SYS1: variants seen among roughly 807,000 people sequenced by gnomAD.
SYS1 encodes the protein SYS1 golgi trafficking protein, also known as protein SYS1 homolog.
In SYS1, 8 loss-of-function variants were observed where a neutral mutation model predicts 17.8. The observed-to-expected ratio is 0.45, with a 90% CI of 0.26 to 0.81. SYS1 has a LOEUF of 0.81. SYS1 is among the 40% of genes least tolerant of loss of function. The probability of loss-of-function intolerance (pLI) is 0.16; values close to 1 mark genes in which losing one functional copy is unlikely to be tolerated. For missense variants in SYS1, 161 were observed against 203.9 expected (o/e 0.79, Z 1.28); for synonymous variants, 95 against 90.9 (o/e 1.05, Z -0.26).
chr20:45,367,504 C>T lies in SYS1; in HGVS notation c.*389C>T. ...CATCTGTCTTACCCCCCTGGGACAG[C>T]TGTTACCTTTGCAGTGTTGCCGAAT... On this transcript the variant is annotated 3_prime_UTR_variant, in exon 4 of 4. Transcript: ENST00000243918. 1 of 1,028,298 alleles carries T rather than the reference C, an allele frequency of 9.7e-7. No individual in the cohort carries two copies. The highest frequency in any genetic ancestry group is 1.2e-6 in the Non-Finnish European group (1 of 854,492). 63.7% of individuals were successfully genotyped at this position (1,028,298 alleles called of 1,614,324 possible). A position where few individuals can be genotyped will look rare whatever the true frequency, so the allele number is the denominator to read the frequency against.
intron 2 of SYS1, 130 bp downstream of exon 2, chr20:45,363,823 T>G: frequency 9.9e-7 from 1 of 1,012,926 alleles, no homozygotes. Context: ...GGATTTCACC[T>G]TTCTGAGCCT....
downstream of SYS1, among the ~76,000 whole-genome samples, chr20:45,370,992 A>T (rs764740392): frequency 2.6e-5 from 4 of 152,192 alleles, no homozygotes; most frequent in Non-Finnish European, 5.9e-5. Flanking sequence ...GGCAAGTCAC[A>T]GTCATAGGTC....
chr20:45,362,418 G>A (rs1174039737), upstream of SYS1, among the ~76,000 whole-genome samples: 1 of 152,110 alleles, frequency 6.6e-6, no homozygotes, highest in Non-Finnish European at 1.5e-5. Flanking sequence ...CCAGGCTGGA[G>A]TGCAATGGCG....
rs1476193986 is a variant in SYS1 at position 45,367,902 on chromosome 20, T to TC, written c.*789dup. ...ACCAGGCACCCAGCTCCCACTGGAC[T>TC]CCAATTTTTTTTCCTGCCTTATTTA... On this transcript the variant is annotated 3_prime_UTR_variant, in exon 4 of 4. Coordinates refer to ENST00000243918, the MANE Select transcript of SYS1 (RefSeq NM_033542.4). 2.0e-6 allele frequency: 2 copies of TC among 985,610 alleles called. No individual in the cohort carries two copies. The highest frequency in any genetic ancestry group is 2.4e-6 in the Non-Finnish European group (2 of 829,950). The allele number at this position is 985,610 out of a possible 1,614,324, so 61.1% of individuals were successfully genotyped here. A position where few individuals can be genotyped will look rare whatever the true frequency, so the allele number is the denominator to read the frequency against.
In SYS1 at chr20:45,367,518, G is replaced by A. The variant is rs879193130; in HGVS notation, c.*403G>A. ...CCCTGGGACAGCTGTTACCTTTGCA[G>A]TGTTGCCGAATCACAGCAGTTACCT... is the stretch of plus-strand genomic sequence containing the variant. On this transcript the variant is annotated 3_prime_UTR_variant, in exon 4 of 4. Transcript: ENST00000243918. The A allele has an allele frequency of 9.9e-7, 1 of 1,009,838 alleles. No homozygotes were observed. Among genetic ancestry groups the A allele is most frequent in the Non-Finnish European group, 1.2e-6 (1 of 843,178 alleles). The allele number at this position is 1,009,838 out of a possible 1,614,324, so 62.6% of individuals were successfully genotyped here. A position where few individuals can be genotyped will look rare whatever the true frequency, so the allele number is the denominator to read the frequency against.
chr20:45,364,807 G>A (rs1215731919), intron 2 of SYS1, among the ~76,000 whole-genome samples: 3 of 152,194 alleles, frequency 2.0e-5, no homozygotes, highest in Non-Finnish European at 4.4e-5. Flanking sequence ...CTGGGATGGA[G>A]TCCTTGCTCC....
chr20:45,367,944 AG>A lies in SYS1; in HGVS notation c.*832del, dbSNP rs1048360111. 2.5e-5 allele frequency: 25 copies of A among 985,532 alleles called. No homozygotes were observed. The African/African-American group carries it at 3.5e-4, about 14-fold the overall frequency. The allele number at this position is 985,532 out of a possible 1,614,324, so 61.0% of individuals were successfully genotyped here. Reference sequence around the variant, plus strand: ...CCTTATTTAGAATTCTTTGGCGGGAAGGGTATGATGGGTTCCCAGAGACAAG... The same window carrying A: ...CCTTATTTAGAATTCTTTGGCGGGAAGGTATGATGGGTTCCCAGAGACAAG... On this transcript the variant is annotated 3_prime_UTR_variant, in exon 4 of 4. Transcript: ENST00000243918.
At chr20:45,372,161 G>C (rs761735594), downstream of SYS1, among the ~76,000 whole-genome samples, 1 of 152,236 alleles carries the variant, frequency 6.6e-6, no homozygotes, top group Non-Finnish European at 1.5e-5. Context: ...GGAGACCCTG[G>C]TTGTGGAATT....
rs779611547 is a variant in SYS1, at chr20:45,367,119, C to G, written c.*4C>G. On this transcript the variant is annotated 3_prime_UTR_variant, in exon 4 of 4. Coordinates refer to ENST00000243918, the MANE Select transcript of SYS1 (RefSeq NM_033542.4). ...AGCCCCTAAATCCAATGTCTAGAAT[C>G]AGGCCCTTTGGACATCCTGCTGACA... 36 of 1,613,936 alleles carry G rather than the reference C, an allele frequency of 2.2e-5. No homozygotes were observed. Among genetic ancestry groups the G allele is most frequent in the South Asian group, 1.5e-4 (14 of 91,078 alleles).
downstream of SYS1, among the ~76,000 whole-genome samples, chr20:45,369,749 A>G (rs915142163): frequency 6.6e-6 from 1 of 151,746 alleles, no homozygotes; most frequent in African/African-American, 2.4e-5. Flanking sequence ...CTATAGGCAC[A>G]TGCCACCACG....
intron 3 of SYS1, among the ~76,000 whole-genome samples, chr20:45,366,453 T>C (rs1311940694): frequency 6.6e-6 from 1 of 152,170 alleles, no homozygotes; most frequent in Non-Finnish European, 1.5e-5. Flanking sequence ...GTTTAAAACA[T>C]TTTTTTCACT....
Position 45,367,954 on chromosome 20 carries a change from G to A in SYS1, c.*839G>A, listed in dbSNP as rs1988472218. On this transcript the variant is annotated 3_prime_UTR_variant, in exon 4 of 4. Coordinates refer to ENST00000243918, the MANE Select transcript of SYS1 (RefSeq NM_033542.4). ...AATTCTTTGGCGGGAAGGGTATGAT[G>A]GGTTCCCAGAGACAAGAAGCCCAAC... 1 of 985,468 alleles carries A rather than the reference G, an allele frequency of 1.0e-6. No individual in the cohort carries two copies. Among genetic ancestry groups the A allele is most frequent in the South Asian group, 4.7e-5 (1 of 21,282 alleles). 61.0% of individuals were successfully genotyped at this position (985,468 alleles called of 1,614,324 possible).
chr20:45,375,441 C>T (rs771391438), exon 4 of SYS1: 3 of 1,613,974 alleles, frequency 1.9e-6, no homozygotes, highest in Non-Finnish European at 2.5e-6. Context: ...ACTCTTTTTT[C>T]TTAGGGTCCC....
At position 45,366,991 on chromosome 20, in the gene SYS1, C is replaced by G. The variant is rs746876778; in HGVS notation, c.347C>G (p.Ala116Gly). The G allele has an allele frequency of 1.2e-6, 2 of 1,614,074 alleles. No homozygotes were observed. The highest frequency in any genetic ancestry group is 2.2e-5 in the South Asian group (2 of 91,094). ...CWFYSSRFPSALTWWLVQAVC... is the reference protein window; with the variant it reads ...CWFYSSRFPSGLTWWLVQAVC... Reference sequence around the variant, plus strand: ...TTCTACAGCTCCCGTTTCCCCTCGGCGCTGACCTGGTGGCTGGTCCAAGCC... The same window carrying G: ...TTCTACAGCTCCCGTTTCCCCTCGGGGCTGACCTGGTGGCTGGTCCAAGCC... Residue 116 changes from alanine (A) to glycine (G), a missense_variant, in exon 4 of 4, where the codon GCG (alanine) becomes GGG (glycine). Physicochemically the swap from Ala to Gly is moderately conservative, Grantham distance 60 (BLOSUM62 0). Transcript: ENST00000243918.
chr20:45,372,958 G>C (rs115241471), downstream of SYS1: 1 of 152,156 alleles, frequency 6.6e-6, no homozygotes, highest in East Asian at 1.9e-4. Flanking sequence ...CCATCCAATC[G>C]TTCTCCCTCT....
chr20:45,366,890 G>A lies in SYS1; in HGVS notation c.246G>A (p.Leu82=). The change falls in exon 4 of 4, where the codon CTG becomes CTA. Residue 82 remains leucine, a synonymous_variant. Coordinates refer to ENST00000243918, the MANE Select transcript of SYS1 (RefSeq NM_033542.4). ...CTCCCCACAGTGCCCTGGGCTTGCT[G>A]TACTTCATCCGGCGAGGAAAGCAGT... The part of the protein sequence containing the change: ...LNALTCALGL[L]YFIRRGKQCL... The A allele has an allele frequency of 6.2e-7, 1 of 1,614,154 alleles. No homozygotes were observed. The highest frequency in any genetic ancestry group is 8.5e-7 in the Non-Finnish European group (1 of 1,180,026).
chr20:45,362,990 G>A (rs1988269502), upstream of SYS1: 2 of 547,564 alleles, frequency 3.7e-6, no homozygotes, highest in South Asian at 7.8e-5. Flanking sequence ...CAAGCTCTGC[G>A]GCCTTCGTTC....
intron 2 of SYS1, among the ~76,000 whole-genome samples, chr20:45,364,236 T>C (rs1437878073): frequency 6.6e-6 from 1 of 152,190 alleles, no homozygotes; most frequent in Admixed American, 6.5e-5. Context: ...AAGCAAGGGT[T>C]CAGTCTAGGC....
At chr20:45,374,000 G>A (rs758979799), downstream of SYS1, 21 of 1,613,876 alleles carry the variant, frequency 1.3e-5, no homozygotes, top group East Asian at 4.7e-4. Context: ...CTCTCGTCCA[G>A]GTCACATCAA....
Sources: gnomAD v4.1 joint callset for allele counts (sites outside exome capture counted in the v4.1 genomes callset) on GRCh38, gnomAD v4.1.1 for gene constraint, MANE v1.5 for transcripts, NCBI Gene and HGNC (gene_info 2026-07-23, HGNC 2026-07-21) for gene names.